The following PRUNE2 variants were observed in gnomAD, a reference collection of about 807,000 sequenced individuals.
PRUNE2 encodes prune homolog 2 with BCH domain.
PRUNE2 carries 164 observed loss-of-function variants against 252.0 expected under a neutral mutation model. The observed-to-expected ratio is 0.65, with a 90% CI of 0.57 to 0.74. PRUNE2 has a LOEUF of 0.74. Among genes scored for constraint, PRUNE2 ranks in the 30% least tolerant of loss-of-function variants. PRUNE2 has a pLI of 0.00. For synonymous variants in PRUNE2, 1,292 were observed against 1,350.2 expected (o/e 0.96, Z 0.94); for missense variants, 3,495 against 3,711.0 (o/e 0.94, Z 1.51).
intron 9 of PRUNE2, among the ~76,000 whole-genome samples, chr9:76,690,235 A>G (rs779862875): frequency 6.6e-6 from 1 of 152,076 alleles, no homozygotes; most frequent in Non-Finnish European, 1.5e-5. Context: ...ACTACCAATT[A>G]CCCTTAACTT....
chr9:76,802,386 G>T (rs1159042063), intron 6 of PRUNE2, among the ~76,000 whole-genome samples: 1 of 152,112 alleles, frequency 6.6e-6, no homozygotes, highest in Non-Finnish European at 1.5e-5. Flanking sequence ...TATGTTTAAT[G>T]TTCCTTAGAC....
chr9:76,808,385 G>C (rs564314911), intron 6 of PRUNE2, among the ~76,000 whole-genome samples: 3 of 152,238 alleles, frequency 2.0e-5, no homozygotes, highest in East Asian at 3.9e-4. Context: ...ATATTGTGTG[G>C]GGATATCCCA....
intron 9 of PRUNE2, among the ~76,000 whole-genome samples, chr9:76,660,004 G>A (rs1431688653): frequency 6.6e-6 from 1 of 152,010 alleles, no homozygotes; most frequent in Non-Finnish European, 1.5e-5. Flanking sequence ...CTGACAAGGT[G>A]TAAAGCCATG....
chr9:76,739,590 T>C (rs1389544041), intron 6 of PRUNE2: 1 of 151,976 alleles, frequency 6.6e-6, no homozygotes, highest in Admixed American at 6.6e-5. Flanking sequence ...ATGTATACTA[T>C]GAATCAACCC....
intron 6 of PRUNE2, among the ~76,000 whole-genome samples, chr9:76,776,893 TACACACACACAC>T (rs541232508): frequency 0.15 from 17,533 of 115,612 alleles, 1,278 homozygotes; most frequent in Middle Eastern, 0.25. Context: ...CCAAAACACA[TACACACACACAC>T]ACACACACAC....
chr9:76,767,762 A>G (rs2052578457), intron 6 of PRUNE2, among the ~76,000 whole-genome samples: 1 of 152,124 alleles, frequency 6.6e-6, no homozygotes, highest in East Asian at 1.9e-4. Flanking sequence ...GCACAAGTCT[A>G]TCCAGGGGTG....
At chr9:76,870,440 C>A (rs2061120912) in intron 1 of PRUNE2, among the ~76,000 whole-genome samples, 1 of 151,874 alleles carries the variant, frequency 6.6e-6, no homozygotes, top group Non-Finnish European at 1.5e-5. Context: ...AATCCCAGCA[C>A]TTTGGGAGGC....
chr9:76,870,403 C>T (rs1169073610), intron 1 of PRUNE2, among the ~76,000 whole-genome samples: 2 of 151,742 alleles, frequency 1.3e-5, no homozygotes, highest in Non-Finnish European at 2.9e-5. Flanking sequence ...AAAAATCCTC[C>T]GGCCGGGTGC....
intron 16 of PRUNE2, chr9:76,625,084 T>G (rs970261195): frequency 3.1e-6 from 4 of 1,297,088 alleles, no homozygotes; most frequent in Non-Finnish European, 4.1e-6. Flanking sequence ...ACGAGTGCCA[T>G]AAGGAAAATG....
At chr9:76,638,363 A>G in intron 12 of PRUNE2, 75 bp from the exon 13 acceptor site, 1 of 979,796 alleles carries the variant, frequency 1.0e-6, no homozygotes. Flanking sequence ...TAATGGATAA[A>G]TATGAAGCCT....
intron 6 of PRUNE2, among the ~76,000 whole-genome samples, chr9:76,797,878 G>A (rs938928040): frequency 1.3e-5 from 2 of 152,168 alleles, no homozygotes; most frequent in African/African-American, 4.8e-5. Context: ...AATGGGTGCT[G>A]CCTGGCAACC....
rs1490285240 is a variant in PRUNE2, at chr9:76,855,082, A to AAAT, written c.37-875_37-874insATT. 3.3e-3 allele frequency among the ~76,000 whole-genome samples: 365 copies of AAAT among 109,360 alleles called. 3 individuals carry two copies. The highest frequency in any genetic ancestry group is 0.01 in the African/African-American group (271 of 25,942). 71.7% of individuals were successfully genotyped at this position (109,360 alleles called of 152,430 possible). A position where few individuals can be genotyped will look rare whatever the true frequency, so the allele number is the denominator to read the frequency against. On this transcript the variant is annotated intron_variant, in intron 1 of 18. Coordinates refer to ENST00000376718, the MANE Select transcript of PRUNE2 (RefSeq NM_015225.3). ...TCCATCTCAAAAAAAAAAAAAAAAA[A>AAAT]ATATATATATATATATATATAGTCA...
rs867402444 is a variant in PRUNE2 at position 76,652,632 on chromosome 9, A to G, written c.8408T>C (p.Leu2803Pro). The G allele has an allele frequency of 5.6e-6, 9 of 1,613,074 alleles. No homozygotes were observed. The Middle Eastern group carries it at 8.2e-4, about 147-fold the overall frequency. Residue 2803 changes from leucine (L) to proline (P), a missense_variant, in exon 11 of 19, where the codon CTC (leucine) becomes CCC (proline). Transcript: ENST00000376718. ...AGAAAGATTGATATTTGGGGCTGTG[A>G]GCTTGATTCTCCGAGGATGAGTGTC... is the stretch of plus-strand genomic sequence containing the variant. ...LNDTHPRRIK[L>P]TAPNINLSLD...
At chr9:76,700,872 T>C (rs2045825769) in intron 9 of PRUNE2, among the ~76,000 whole-genome samples, 1 of 152,198 alleles carries the variant, frequency 6.6e-6, no homozygotes, top group Non-Finnish European at 1.5e-5. Context: ...TAAAGTGAAA[T>C]AGCGCAGAGT....
intron 6 of PRUNE2, among the ~76,000 whole-genome samples, chr9:76,742,728 GA>G (rs758852506): frequency 6.6e-5 from 10 of 151,934 alleles, no homozygotes; most frequent in Non-Finnish European, 1.2e-4. Context: ...AATAGTCAAT[GA>G]ACATATGAAA....
At chr9:76,669,261 A>T (rs2040829481) in intron 9 of PRUNE2, among the ~76,000 whole-genome samples, 1 of 151,968 alleles carries the variant, frequency 6.6e-6, no homozygotes, top group East Asian at 1.9e-4. Context: ...TGTGTACAAG[A>T]TCACACACAG....
At chr9:76,770,922 A>C (rs958503715) in intron 6 of PRUNE2, among the ~76,000 whole-genome samples, 3 of 152,176 alleles carry the variant, frequency 2.0e-5, no homozygotes, top group African/African-American at 7.2e-5. Context: ...ATTAAATTTC[A>C]AAAAATCTGA....
intron 15 of PRUNE2, among the ~76,000 whole-genome samples, chr9:76,633,967 CT>C (rs1055426946): frequency 1.3e-5 from 2 of 152,048 alleles, no homozygotes; most frequent in African/African-American, 4.8e-5. Context: ...AAAAATTTAG[CT>C]GATTGTGGTG....
rs201004539 is a variant in PRUNE2 at position 76,874,162 on chromosome 9, AAGG to A, written c.37-19957_37-19955del. Reference sequence around the variant, plus strand: ...CTCCATTATTGAGGGTTTTAAAAGGAAGGAGAACTGACTGTCTCCCAAAGAGTC... The same window carrying A: ...CTCCATTATTGAGGGTTTTAAAAGGAAGAACTGACTGTCTCCCAAAGAGTC... On this transcript the variant is annotated intron_variant, in intron 1 of 18. Coordinates refer to ENST00000376718, the MANE Select transcript of PRUNE2 (RefSeq NM_015225.3). Among the ~76,000 whole-genome samples, 689 of 152,316 alleles carry A rather than the reference AAGG, an allele frequency of 4.5e-3. 9 individuals are homozygous for A. Among genetic ancestry groups the A allele is most frequent in the African/African-American group, 0.016 (657 of 41,586 alleles).
Sources: gnomAD v4.1 joint callset for allele counts (sites outside exome capture counted in the v4.1 genomes callset) on GRCh38, gnomAD v4.1.1 for gene constraint, MANE v1.5 for transcripts, NCBI Gene and HGNC (gene_info 2026-07-23, HGNC 2026-07-21) for gene names.